CHMP3: variants seen among roughly 807,000 people sequenced by gnomAD.
CHMP3 encodes 25.1 protein.
A neutral mutation model predicts 27.4 loss-of-function variants in CHMP3; 8 were observed. The observed-to-expected ratio is 0.29, with a 90% CI of 0.17 to 0.53. CHMP3 has a LOEUF of 0.53. Ranked by LOEUF, CHMP3 falls within the 20% of genes least tolerant of loss-of-function variation. The pLI is 0.96. For missense variants in CHMP3, 208 were observed against 271.5 expected, an observed-to-expected ratio of 0.77 and a Z score of 1.64; for synonymous variants, 86 against 85.5, an observed-to-expected ratio of 1.01 and a Z score of -0.03.
chr2:86,543,829 A>G (rs1676454721), intron 1 of CHMP3, among the ~76,000 whole-genome samples: 1 of 152,226 alleles, frequency 6.6e-6, no homozygotes, highest in Non-Finnish European at 1.5e-5. Flanking sequence ...TTAAAAATCT[A>G]ATCAGGTTTA....
intron 2 of CHMP3, among the ~76,000 whole-genome samples, chr2:86,531,836 TA>T (rs1458670382): frequency 1.3e-5 from 2 of 152,250 alleles, no homozygotes; most frequent in African/African-American, 4.8e-5. Flanking sequence ...TTTATGTCAG[TA>T]CTACATTGAT....
At chr2:86,525,509 G>A (rs1450152610) in intron 3 of CHMP3, among the ~76,000 whole-genome samples, 2 of 151,312 alleles carry the variant, frequency 1.3e-5, no homozygotes, top group Non-Finnish European at 2.9e-5. Flanking sequence ...CTCCAGCCTG[G>A]GCGACAGTGC....
At chr2:86,519,329 C>A (rs895779230) in intron 3 of CHMP3, among the ~76,000 whole-genome samples, 1 of 148,960 alleles carries the variant, frequency 6.7e-6, no homozygotes, top group Non-Finnish European at 1.5e-5. Flanking sequence ...TGTGCCACTG[C>A]GCTCCAGCCT....
At chr2:86,554,816 CGTGTGTGT>C (rs70956121) in intron 1 of CHMP3, among the ~76,000 whole-genome samples, 6 of 145,384 alleles carry the variant, frequency 4.1e-5, no homozygotes, top group Admixed American at 1.4e-4. Flanking sequence ...TGTGTGCGCG[CGTGTGTGT>C]GTGTGTGTGT....
At chr2:86,510,664 T>TG in intron 3 of CHMP3, 185 bp from the exon 4 acceptor site, 1 of 796,234 alleles carries the variant, frequency 1.3e-6, no homozygotes. Context: ...GTATGCTATC[T>TG]GGGTTACTAC....
Position 86,513,878 on chromosome 2 carries a change from C to T in CHMP3, c.287-3399G>A, listed in dbSNP as rs1436211329. Among the ~76,000 whole-genome samples, 6 of 152,222 alleles carry T rather than the reference C, an allele frequency of 3.9e-5. No homozygotes were observed. In the East Asian group the frequency reaches 1.2e-3, roughly 29 times the overall value. On this transcript the variant is annotated intron_variant, in intron 3 of 5. Coordinates refer to ENST00000263856, the MANE Select transcript of CHMP3 (RefSeq NM_016079.4). The stretch of plus-strand genomic sequence containing the variant: ...TTTCCTGCCTGATTGTTTTAGTGCA[C>T]ATATGACTTAGACTAGAGATAATTG...
chr2:86,514,340 C>T (rs1372649033), intron 3 of CHMP3, among the ~76,000 whole-genome samples: 1 of 152,194 alleles, frequency 6.6e-6, no homozygotes, highest in Non-Finnish European at 1.5e-5. Flanking sequence ...GCAAAAATAT[C>T]ATCCATTATA....
chr2:86,549,303 C>T lies in CHMP3; in HGVS notation c.46-6991G>A, dbSNP rs557181771. ...CTCCTCGCCTCCCAGACGGGGCGGC[C>T]GGGCAGAGGCATTTCTCACTTCCCA... is the stretch of plus-strand genomic sequence containing the variant. On this transcript the variant is annotated intron_variant, in intron 1 of 5. Transcript: ENST00000263856. Among the ~76,000 whole-genome samples, 298 of 119,318 alleles carry T rather than the reference C, an allele frequency of 2.5e-3. 1 individual carries two copies. Among genetic ancestry groups the T allele is most frequent in the Middle Eastern group, 6.0e-3 (1 of 166 alleles). 78.3% of individuals were successfully genotyped at this position (119,318 alleles called of 152,430 possible).
intron 3 of CHMP3, among the ~76,000 whole-genome samples, chr2:86,522,986 C>T (rs1331067328): frequency 6.6e-6 from 1 of 152,196 alleles, no homozygotes; most frequent in East Asian, 1.9e-4. Flanking sequence ...TACACTCAGA[C>T]GCTGCCCTGA....
rs907021344 is a variant in CHMP3 at position 86,559,781 on chromosome 2, T to C, written c.45+3523A>G. ...GATAATCTAACACTAAAAATCCTAC[T>C]AAATAGTCAAGAACCCATTCATAGG... On this transcript the variant is annotated intron_variant, in intron 1 of 5. Transcript: ENST00000263856. 1.1e-4 allele frequency among the ~76,000 whole-genome samples: 17 copies of C among 152,258 alleles called. 1 individual carries two copies. The highest frequency in any genetic ancestry group is 9.8e-4 in the Admixed American group (15 of 15,296).
At chr2:86,528,884 C>T (rs1375455579) in intron 3 of CHMP3, among the ~76,000 whole-genome samples, 1 of 152,126 alleles carries the variant, frequency 6.6e-6, no homozygotes, top group Admixed American at 6.6e-5. Context: ...GGACCTAGGA[C>T]AAAGGTAGAA....
At chr2:86,509,395 C>T (rs1400312369) in intron 4 of CHMP3, among the ~76,000 whole-genome samples, 1 of 152,188 alleles carries the variant, frequency 6.6e-6, no homozygotes, top group Non-Finnish European at 1.5e-5. Context: ...ATTCAAACAA[C>T]CTGGGCCCTG....
chr2:86,508,693 G>A (rs1012386756), intron 4 of CHMP3, among the ~76,000 whole-genome samples: 8 of 152,166 alleles, frequency 5.3e-5, no homozygotes, highest in Admixed American at 3.3e-4. Flanking sequence ...CAGTGACTAT[G>A]CTGAAGGGTT....
At chr2:86,538,146 G>A (rs900210743) in intron 2 of CHMP3, among the ~76,000 whole-genome samples, 3 of 152,140 alleles carry the variant, frequency 2.0e-5, no homozygotes, top group African/African-American at 4.8e-5. Flanking sequence ...AAAACATTAT[G>A]TTAAGTGAAA....
At position 86,540,807 on chromosome 2, in the gene CHMP3, C is replaced by G. The variant is rs555082563; in HGVS notation, c.106+1445G>C. 3 of 149,526 alleles carry G rather than the reference C, an allele frequency of 2.0e-5. No individual in the cohort carries two copies. The East Asian group carries it at 5.8e-4, about 29-fold the overall frequency. 9.3% of individuals were successfully genotyped at this position (149,526 alleles called of 1,614,324 possible). A position where few individuals can be genotyped will look rare whatever the true frequency, so the allele number is the denominator to read the frequency against. The stretch of plus-strand genomic sequence containing the variant: ...ATAATAGCTGCTTAAAAATCCTTGA[C>G]TGCAAATTCAATCATCTTTTTTTGT... On this transcript the variant is annotated intron_variant, in intron 2 of 5. Transcript: ENST00000263856.
intron 2 of CHMP3, among the ~76,000 whole-genome samples, chr2:86,530,427 CCTTT>C (rs1222993936): frequency 1.3e-5 from 2 of 152,132 alleles, no homozygotes; most frequent in Non-Finnish European, 2.9e-5. Context: ...CTTGGTACTT[CCTTT>C]AAGTGGAATC....
At chr2:86,509,059 A>C (rs1162173420) in intron 4 of CHMP3, among the ~76,000 whole-genome samples, 1 of 150,952 alleles carries the variant, frequency 6.6e-6, no homozygotes, top group African/African-American at 2.4e-5. Context: ...AGAATGACTA[A>C]GATGTGTTCT....
At chr2:86,514,902 C>T (rs964195180) in intron 3 of CHMP3, among the ~76,000 whole-genome samples, 7 of 151,968 alleles carry the variant, frequency 4.6e-5, no homozygotes, top group African/African-American at 1.7e-4. Flanking sequence ...CCACATCCCC[C>T]AAAAAAGGTT....
chr2:86,506,911 C>G (rs1401203728), intron 5 of CHMP3: 1 of 152,144 alleles, frequency 6.6e-6, no homozygotes, highest in Non-Finnish European at 1.5e-5. Context: ...ACCTGGCCCT[C>G]AAACGTTTCA....
Sources: gnomAD v4.1 joint callset for allele counts (sites outside exome capture counted in the v4.1 genomes callset) on GRCh38, gnomAD v4.1.1 for gene constraint, MANE v1.5 for transcripts, NCBI Gene and HGNC (gene_info 2026-07-23, HGNC 2026-07-21) for gene names.